Variants in NKAIN3 observed in about 807,000 individuals in gnomAD.
NKAIN3 encodes sodium/potassium-transporting ATPase subunit beta-1-interacting protein 3.
A neutral mutation model predicts 30.2 loss-of-function variants in NKAIN3; 25 were observed. The observed-to-expected ratio is 0.83, with a 90% CI of 0.60 to 1.16. The LOEUF is 1.16. Among genes scored for constraint, NKAIN3 ranks in the 50% most tolerant of loss-of-function variants. NKAIN3 has a pLI of 0.00. For synonymous variants in NKAIN3, 91 were observed against 89.6 expected, an observed-to-expected ratio of 1.02 and a Z score of -0.09; for missense variants, 225 against 254.1, an observed-to-expected ratio of 0.89 and a Z score of 0.78.
chr8:62,982,515 G>A lies in NKAIN3; in HGVS notation c.*17108G>A, dbSNP rs1454932531. On this transcript the variant is annotated 3_prime_UTR_variant, in exon 7 of 7. Coordinates refer to ENST00000623646, the MANE Select transcript of NKAIN3 (RefSeq NM_001304533.3). ...GCCTCTCCTTCCAAAATGGCTAAAA[G>A]GGCAAAGCGTCAGTAATTCTGTAGA... 3.3e-5 allele frequency: 5 copies of A among 152,152 alleles called. No individual in the cohort carries two copies. Among genetic ancestry groups the A allele is most frequent in the Non-Finnish European group, 7.3e-5 (5 of 68,028 alleles). 9.4% of individuals were successfully genotyped at this position (152,152 alleles called of 1,614,324 possible).
intron 1 of NKAIN3, among the ~76,000 whole-genome samples, chr8:62,510,195 A>C (rs928696043): frequency 6.6e-6 from 1 of 152,198 alleles, no homozygotes; most frequent in Non-Finnish European, 1.5e-5. Context: ...TATAAAGAAC[A>C]GTGAATAGTT....
At chr8:62,555,060 C>G (rs1462316306) in intron 1 of NKAIN3, among the ~76,000 whole-genome samples, 1 of 128,260 alleles carries the variant, frequency 7.8e-6, no homozygotes, top group Non-Finnish European at 1.7e-5. Context: ...ACACACATGC[C>G]TAGCTATGTG....
intron 4 of NKAIN3, among the ~76,000 whole-genome samples, chr8:62,880,170 T>C (rs1401632306): frequency 3.9e-5 from 6 of 152,190 alleles, no homozygotes; most frequent in African/African-American, 1.4e-4. Context: ...ATCTTACTTT[T>C]AGATGTGGAA....
intron 4 of NKAIN3, among the ~76,000 whole-genome samples, chr8:62,772,406 G>T (rs917350749): frequency 6.6e-6 from 1 of 150,460 alleles, no homozygotes; most frequent in Non-Finnish European, 1.5e-5. Context: ...TTTGAGAAAC[G>T]TCCAAAGTCT....
intron 4 of NKAIN3, among the ~76,000 whole-genome samples, chr8:62,802,725 G>A (rs1818114654): frequency 6.6e-6 from 1 of 152,072 alleles, no homozygotes; most frequent in Non-Finnish European, 1.5e-5. Context: ...AAAATAACCA[G>A]CTAACATCAT....
intron 1 of NKAIN3, among the ~76,000 whole-genome samples, chr8:62,339,604 A>T (rs1815675489): frequency 2.6e-5 from 4 of 152,062 alleles, no homozygotes; most frequent in Admixed American, 2.0e-4. Flanking sequence ...GTTTTGTCTA[A>T]ACTATCCTGT....
rs1818760919 is a variant in NKAIN3, at chr8:62,818,648, GA to G, written c.471+71521del. ...TGGAATATCAAAGATTAATAAGATA[GA>G]ATTTCTTTATCCAAGGTTCTTCTAA... is the stretch of plus-strand genomic sequence containing the variant. On this transcript the variant is annotated intron_variant, in intron 4 of 6. Transcript: ENST00000623646. Among the ~76,000 whole-genome samples, 3 of 152,130 alleles carry G rather than the reference GA, an allele frequency of 2.0e-5. No homozygotes were observed. In the South Asian group the frequency reaches 6.2e-4, roughly 31 times the overall value.
intron 2 of NKAIN3, among the ~76,000 whole-genome samples, chr8:62,582,410 T>C (rs941237620): frequency 1.3e-5 from 2 of 152,094 alleles, no homozygotes; most frequent in African/African-American, 4.8e-5. Context: ...AAATGTTAAA[T>C]TGCAACTGCG....
rs184888492 is a variant in NKAIN3 at position 62,364,564 on chromosome 8, T to C, written c.54+115437T>C. ...TTAATAATTAAAAAAATCATCTGGC[T>C]GGGCTGGGTGGCTCAAGCCTGTAAT... On this transcript the variant is annotated intron_variant, in intron 1 of 6. Transcript: ENST00000623646. Among the ~76,000 whole-genome samples the C allele has an allele frequency of 3.6e-3, 552 of 152,134 alleles. 5 individuals carry two copies. Among genetic ancestry groups the C allele is most frequent in the African/African-American group, 0.013 (524 of 41,528 alleles).
chr8:62,666,216 C>G (rs1410895667), intron 3 of NKAIN3, among the ~76,000 whole-genome samples: 1 of 152,002 alleles, frequency 6.6e-6, no homozygotes, highest in Non-Finnish European at 1.5e-5. Context: ...CTCTCTGTCT[C>G]AAAATAATTA....
At chr8:62,837,931 C>T (rs1250461093) in intron 4 of NKAIN3, among the ~76,000 whole-genome samples, 5 of 151,962 alleles carry the variant, frequency 3.3e-5, no homozygotes, top group Non-Finnish European at 7.4e-5. Context: ...CTTGAAATTG[C>T]ATTAGTTGTA....
chr8:62,331,028 A>G (rs1432818683), intron 1 of NKAIN3, among the ~76,000 whole-genome samples: 5 of 140,824 alleles, frequency 3.6e-5, no homozygotes, highest in African/African-American at 1.3e-4. Flanking sequence ...ATATGTATGT[A>G]TCTCCCTTCC....
intron 4 of NKAIN3, among the ~76,000 whole-genome samples, chr8:62,891,861 C>A (rs1017669): frequency 0.1 from 15,757 of 152,150 alleles, 901 homozygotes; most frequent in Admixed American, 0.14. Flanking sequence ...GCCTTCCCCC[C>A]GCTTTCTCTT....
intron 1 of NKAIN3, among the ~76,000 whole-genome samples, chr8:62,452,060 A>G (rs2129598903): frequency 6.6e-6 from 1 of 152,382 alleles, no homozygotes; most frequent in East Asian, 1.9e-4. Context: ...TGACTTGCTC[A>G]GAGTGGCTTA....
At chr8:62,800,165 A>G (rs756171597) in intron 4 of NKAIN3, among the ~76,000 whole-genome samples, 8 of 152,208 alleles carry the variant, frequency 5.3e-5, no homozygotes, top group Non-Finnish European at 1.2e-4. Flanking sequence ...TATTCATGTA[A>G]CCAAACACTA....
chr8:62,797,904 G>T (rs1376088024), intron 4 of NKAIN3, among the ~76,000 whole-genome samples: 7 of 152,182 alleles, frequency 4.6e-5, no homozygotes, highest in Non-Finnish European at 1.0e-4. Context: ...AATGCCATGT[G>T]AAGAATGGAG....
rs181608989 is a variant in NKAIN3, at chr8:62,798,074, A to C, written c.471+50945A>C. Among the ~76,000 whole-genome samples, 833 of 152,290 alleles carry C rather than the reference A, an allele frequency of 5.5e-3. 7 individuals are homozygous for C. Among genetic ancestry groups the C allele is most frequent in the African/African-American group, 0.019 (799 of 41,574 alleles). The stretch of plus-strand genomic sequence containing the variant: ...GTGTGAAAACTGAGACACATGAAGA[A>C]GTTAAAAAATGTGCCCAAGGTCACA... On this transcript the variant is annotated intron_variant, in intron 4 of 6. Transcript: ENST00000623646.
rs148088606 is a variant in NKAIN3, at chr8:62,336,844, T to C, written c.54+87717T>C. ...CCACAACCGAAGTCAGCAAAGTTTT[T>C]TGGTGAAGGGCCAGAAGGTATGTAT... On this transcript the variant is annotated intron_variant, in intron 1 of 6. Transcript: ENST00000623646. Among the ~76,000 whole-genome samples the C allele has an allele frequency of 1.5e-3, 229 of 152,152 alleles. 1 individual carries two copies. The highest frequency in any genetic ancestry group is 6.9e-3 in the Admixed American group (106 of 15,256).
chr8:62,826,536 T>C (rs1819030798), intron 4 of NKAIN3, among the ~76,000 whole-genome samples: 1 of 152,164 alleles, frequency 6.6e-6, no homozygotes, highest in African/African-American at 2.4e-5. Flanking sequence ...ATTTCCCACG[T>C]AAAATATTTC....
Sources: gnomAD v4.1 joint callset for allele counts (sites outside exome capture counted in the v4.1 genomes callset) on GRCh38, gnomAD v4.1.1 for gene constraint, MANE v1.5 for transcripts, NCBI Gene and HGNC (gene_info 2026-07-23, HGNC 2026-07-21) for gene names.